Variants in SOD2 observed in about 807,000 individuals in gnomAD.
SOD2 encodes superoxide dismutase 2, also known as superoxide dismutase [Mn], mitochondrial.
A neutral mutation model predicts 27.0 loss-of-function variants in SOD2; 11 were observed. That is an observed-to-expected ratio of 0.41 (90% confidence interval 0.26 to 0.67). SOD2 has a LOEUF of 0.67. SOD2 is among the 30% of genes least tolerant of loss of function. The pLI is 0.34. For synonymous variants in SOD2, 105 were observed against 103.0 expected (o/e 1.02, Z -0.12); for missense variants, 250 against 274.5 (o/e 0.91, Z 0.63).
chr6:159,727,629 G>C, upstream of SOD2: 1 of 986,184 alleles, frequency 1.0e-6, no homozygotes, highest in East Asian at 1.1e-4. Flanking sequence ...GGCCCGGGGG[G>C]CCCGGGCGGC....
chr6:159,702,257 C>T (rs1777533900), intron 1 of SOD2, among the ~76,000 whole-genome samples: 1 of 151,824 alleles, frequency 6.6e-6, no homozygotes, highest in African/African-American at 2.4e-5. Context: ...GAGTTCAAGA[C>T]CAGCCTGGGC....
intron 1 of SOD2, chr6:159,727,011 A>G: frequency 8.0e-7 from 1 of 1,248,750 alleles, no homozygotes; most frequent in Non-Finnish European, 1.0e-6. Flanking sequence ...CCTCCGCACG[A>G]GGCAGCCCCG....
intron 1 of SOD2, among the ~76,000 whole-genome samples, chr6:159,759,846 C>T (rs1780086905): frequency 2.0e-5 from 3 of 152,200 alleles, no homozygotes; most frequent in South Asian, 4.1e-4. Context: ...CCTAAACTTA[C>T]TCTAGATAGA....
upstream of SOD2, among the ~76,000 whole-genome samples, chr6:159,697,135 G>C (rs1249199323): frequency 6.6e-6 from 1 of 151,244 alleles, no homozygotes; most frequent in Non-Finnish European, 1.5e-5. Flanking sequence ...TGTACCTACA[G>C]GAGAAAATGA....
chr6:159,762,235 G>A (rs1780154152), exon 1 of SOD2: 1 of 1,444,924 alleles, frequency 6.9e-7, no homozygotes, highest in Admixed American at 2.5e-5. Flanking sequence ...AGGGGCGTAT[G>A]TGGAGGAAGC....
chr6:159,758,817 C>G (rs763388202), intron 1 of SOD2, among the ~76,000 whole-genome samples: 7 of 152,160 alleles, frequency 4.6e-5, no homozygotes, highest in Non-Finnish European at 7.3e-5. Context: ...TGAATCCAGC[C>G]TGTAGCAAAG....
chr6:159,702,676 A>AAAAGAAAG lies in SOD2; in HGVS notation c.-115-9821_-115-9814dup, dbSNP rs1162195620. 3.5e-5 allele frequency among the ~76,000 whole-genome samples: 5 copies of AAAAGAAAG among 143,044 alleles called. No homozygotes were observed. In the East Asian group the frequency reaches 8.5e-4, roughly 24 times the overall value. The allele number at this position is 143,044 out of a possible 152,430, so 93.8% of individuals were successfully genotyped here. A position where few individuals can be genotyped will look rare whatever the true frequency, so the allele number is the denominator to read the frequency against. On this transcript the variant is annotated intron_variant, in intron 1 of 2. Transcript: ENST00000401980. ...CTCCAAAAAAAAAAAAAAAAAAAAA[A>AAAAGAAAG]AAAGAAAGAAAGAAAGAAAGAAAAA...
chr6:159,673,467 G>T lies in SOD2; in HGVS notation c.*9026C>A, dbSNP rs1779710983. On this transcript the variant is annotated 3_prime_UTR_variant, in exon 5 of 5. Coordinates refer to ENST00000538183, the MANE Select transcript of SOD2 (RefSeq NM_000636.4). ...CTCACTCAAAACCACTCAGCTACAT[G>T]GAAACTGAACAACCTGCTCCTGAAT... 6.6e-6 allele frequency: 1 copy of T among 152,076 alleles called. No individual in the cohort carries two copies. Among genetic ancestry groups the T allele is most frequent in the Non-Finnish European group, 1.5e-5 (1 of 68,018 alleles). 9.4% of individuals were successfully genotyped at this position (152,076 alleles called of 1,614,324 possible).
At chr6:159,692,943 G>T in intron 1 of SOD2, 80 bp from the exon 2 acceptor site, 1 of 1,380,306 alleles carries the variant, frequency 7.2e-7, no homozygotes, top group Non-Finnish European at 9.5e-7. Context: ...GAACGGCAGC[G>T]CGCGGCGTCC....
upstream of SOD2, among the ~76,000 whole-genome samples, chr6:159,697,081 GCAGT>G (rs1777435405): frequency 1.1e-5 from 1 of 89,472 alleles, no homozygotes; most frequent in African/African-American, 3.6e-5. Flanking sequence ...ACACACACAC[GCAGT>G]CAGCTATACA....
intron 1 of SOD2, among the ~76,000 whole-genome samples, chr6:159,698,526 C>T (rs1182676487): frequency 5.8e-5 from 8 of 137,592 alleles, no homozygotes; most frequent in South Asian, 2.4e-4. Context: ...GAGCTGAGAT[C>T]GCGCCACTGC....
At chr6:159,736,439 T>C (rs1357762709) in intron 1 of SOD2, 2 of 684,474 alleles carry the variant, frequency 2.9e-6, no homozygotes, top group Non-Finnish European at 5.1e-6. Flanking sequence ...ATAATAGCAT[T>C]GGAGTTGTAC....
chr6:159,699,744 G>T (rs1240240137), intron 1 of SOD2, among the ~76,000 whole-genome samples: 1 of 152,138 alleles, frequency 6.6e-6, no homozygotes, highest in African/African-American at 2.4e-5. Flanking sequence ...GACCACTGAG[G>T]GCTGTGAGCA....
chr6:159,717,393 G>A (rs1777939708), intron 1 of SOD2, among the ~76,000 whole-genome samples: 1 of 152,038 alleles, frequency 6.6e-6, no homozygotes, highest in Non-Finnish European at 1.5e-5. Flanking sequence ...AGGCTTATAG[G>A]CATGAGCCAC....
intron 1 of SOD2, among the ~76,000 whole-genome samples, chr6:159,732,850 TTCTCTCTCTCTC>T (rs146820451): frequency 6.8e-6 from 1 of 147,654 alleles, no homozygotes; most frequent in African/African-American, 2.5e-5. Flanking sequence ...GTCTGCTTCT[TTCTCTCTCTCTC>T]TCTCTCTCTC....
chr6:159,737,214 A>G (rs1423700614), intron 1 of SOD2, among the ~76,000 whole-genome samples: 1 of 151,868 alleles, frequency 6.6e-6, no homozygotes, highest in Admixed American at 6.6e-5. Flanking sequence ...ACGCCCAGCT[A>G]ATTTTTGTAT....
intron 1 of SOD2, among the ~76,000 whole-genome samples, chr6:159,750,364 C>T (rs1435031140): frequency 6.6e-6 from 1 of 151,936 alleles, no homozygotes; most frequent in Non-Finnish European, 1.5e-5. Context: ...TTTTTCTTGT[C>T]ATTGTTAAAA....
At chr6:159,702,197 G>T (rs192912890) in intron 1 of SOD2, among the ~76,000 whole-genome samples, 110 of 152,232 alleles carry the variant, frequency 7.2e-4, no homozygotes, top group African/African-American at 2.6e-3. Flanking sequence ...GCTAACACCT[G>T]TAATCCCGGT....
intron 1 of SOD2, among the ~76,000 whole-genome samples, chr6:159,735,005 A>G (rs997768170): frequency 1.3e-5 from 2 of 152,222 alleles, no homozygotes; most frequent in Non-Finnish European, 2.9e-5. Flanking sequence ...ACTTGAATTC[A>G]TTAACCTATC....
Sources: allele counts gnomAD v4.1 joint callset (sites outside exome capture counted in the v4.1 genomes callset), GRCh38; gene constraint gnomAD v4.1.1; transcripts MANE v1.5; gene names NCBI Gene and HGNC (gene_info 2026-07-23, HGNC 2026-07-21).